NCAM2: variants seen among roughly 807,000 people sequenced by gnomAD.
The protein encoded by NCAM2 is neural cell adhesion molecule 2.
Under a neutral mutation model 98.1 loss-of-function variants are expected in NCAM2, and 30 were observed. The ratio of observed to expected loss-of-function variants is 0.31; its 90% CI spans 0.23 to 0.41. The LOEUF is 0.41. NCAM2 is among the 10% of genes least tolerant of loss of function. The pLI is 1.00. For missense variants in NCAM2, 867 were observed against 1,005.8 expected (o/e 0.86, Z 1.87); for synonymous variants, 368 against 342.4 (o/e 1.07, Z -0.83).
intron 1 of NCAM2, among the ~76,000 whole-genome samples, chr21:21,089,421 C>T (rs908570967): frequency 6.6e-6 from 1 of 152,116 alleles, no homozygotes; most frequent in Non-Finnish European, 1.5e-5. Context: ...CTATTAGTGG[C>T]AATCAAACCC....
At chr21:21,040,991 A>G (rs1413785602) in intron 1 of NCAM2, among the ~76,000 whole-genome samples, 1 of 152,190 alleles carries the variant, frequency 6.6e-6, no homozygotes, top group African/African-American at 2.4e-5. Context: ...CCCTTATTTC[A>G]TCATTACGTG....
At chr21:21,523,043 T>A (rs1989119609) in intron 16 of NCAM2, among the ~76,000 whole-genome samples, 1 of 151,820 alleles carries the variant, frequency 6.6e-6, no homozygotes, top group Non-Finnish European at 1.5e-5. Context: ...TTGTTGTTTG[T>A]TGTTTTGCTA....
chr21:21,144,656 C>T (rs557602338), intron 1 of NCAM2, among the ~76,000 whole-genome samples: 152 of 151,942 alleles, frequency 1.0e-3, no homozygotes, highest in African/African-American at 1.9e-3. Context: ...TCTTTGAATT[C>T]CCCTTGAAAT....
intron 10 of NCAM2, among the ~76,000 whole-genome samples, chr21:21,410,790 C>T (rs1050331450): frequency 3.3e-5 from 5 of 151,004 alleles, no homozygotes; most frequent in Non-Finnish European, 5.9e-5. Flanking sequence ...GGGCAGATCA[C>T]AAGGTCAGGA....
At position 21,281,944 on chromosome 21, in the gene NCAM2, T is replaced by C. The variant is rs1423681470; in HGVS notation, c.130+1292T>C. 2.6e-5 allele frequency among the ~76,000 whole-genome samples: 4 copies of C among 151,890 alleles called. No individual in the cohort carries two copies. In the East Asian group the frequency reaches 7.7e-4, roughly 29 times the overall value. On this transcript the variant is annotated intron_variant, in intron 2 of 17. Transcript: ENST00000400546. ...ATATTCAGAGCATATATGTATAACA[T>C]GTCACATTTTATAGGAATATTAATA...
chr21:21,242,163 A>AT (rs398121498), intron 1 of NCAM2, among the ~76,000 whole-genome samples: 1 of 149,918 alleles, frequency 6.7e-6, no homozygotes, highest in Non-Finnish European at 1.5e-5. Context: ...TAAAAAAGAA[A>AT]CCTCCCTATT....
chr21:21,464,542 A>G (rs1983422798), intron 12 of NCAM2, among the ~76,000 whole-genome samples: 1 of 152,142 alleles, frequency 6.6e-6, no homozygotes, highest in Non-Finnish European at 1.5e-5. Context: ...AACCAAACAA[A>G]ATGCTAAATA....
At chr21:21,104,418 A>T (rs1161242495) in intron 1 of NCAM2, among the ~76,000 whole-genome samples, 1 of 152,182 alleles carries the variant, frequency 6.6e-6, no homozygotes, top group African/African-American at 2.4e-5. Flanking sequence ...TCTCATGGAT[A>T]GAGATGCTAA....
At chr21:21,098,649 A>C (rs1397515887) in intron 1 of NCAM2, among the ~76,000 whole-genome samples, 1 of 151,844 alleles carries the variant, frequency 6.6e-6, no homozygotes, top group Non-Finnish European at 1.5e-5. Context: ...CAGTGAAATT[A>C]GTTTGACTTA....
intron 1 of NCAM2, among the ~76,000 whole-genome samples, chr21:21,161,588 A>G (rs2067786739): frequency 6.6e-6 from 1 of 150,714 alleles, no homozygotes; most frequent in South Asian, 2.1e-4. Flanking sequence ...TGTATGTGAG[A>G]GAGAGAGAGA....
At chr21:21,026,769 G>A (rs1179964264) in intron 1 of NCAM2, among the ~76,000 whole-genome samples, 1 of 151,664 alleles carries the variant, frequency 6.6e-6, no homozygotes, top group East Asian at 1.9e-4. Context: ...ATTTTGTGGA[G>A]AAAATATCTA....
intron 12 of NCAM2, among the ~76,000 whole-genome samples, chr21:21,435,787 T>C (rs1019641893): frequency 6.6e-6 from 1 of 152,232 alleles, no homozygotes; most frequent in African/African-American, 2.4e-5. Flanking sequence ...GATTTATTTA[T>C]TGCTGCATTT....
At chr21:21,497,243 A>G (rs879602333) in intron 15 of NCAM2, among the ~76,000 whole-genome samples, 5 of 152,076 alleles carry the variant, frequency 3.3e-5, no homozygotes, top group Admixed American at 1.3e-4. Flanking sequence ...CTACCAATCA[A>G]TCAAGCTGTG....
At chr21:21,054,169 G>A (rs1170745179) in intron 1 of NCAM2, among the ~76,000 whole-genome samples, 1 of 151,806 alleles carries the variant, frequency 6.6e-6, no homozygotes, top group African/African-American at 2.4e-5. Context: ...AGTCATTGCC[G>A]AAGCTTTTCA....
intron 6 of NCAM2, among the ~76,000 whole-genome samples, chr21:21,327,306 CAAAAAAA>C (rs11384559): frequency 9.7e-5 from 8 of 82,210 alleles, no homozygotes; most frequent in South Asian, 4.8e-4. Context: ...GACTCTGTCT[CAAAAAAA>C]AAAAAAAAAA....
In NCAM2 at chr21:21,507,609, C is replaced by T. The variant is rs150256681; in HGVS notation, c.2078-1242C>T. Among the ~76,000 whole-genome samples the T allele has an allele frequency of 2.8e-3, 425 of 151,834 alleles. 1 individual carries two copies. Among genetic ancestry groups the T allele is most frequent in the Non-Finnish European group, 4.3e-3 (289 of 67,900 alleles). On this transcript the variant is annotated intron_variant, in intron 15 of 17. Transcript: ENST00000400546. ...GAGATCGAGACCATCCTGGCTAACA[C>T]GGTGAAACCCCGTTTCTACTAAAAA...
intron 1 of NCAM2, among the ~76,000 whole-genome samples, chr21:21,038,026 G>T (rs1483193744): frequency 2.6e-5 from 4 of 152,124 alleles, no homozygotes; most frequent in African/African-American, 9.7e-5. Flanking sequence ...ATGACATTAT[G>T]AAAAATGGGA....
At chr21:21,505,649 T>C (rs1388760807) in intron 15 of NCAM2, among the ~76,000 whole-genome samples, 1 of 152,044 alleles carries the variant, frequency 6.6e-6, no homozygotes, top group East Asian at 1.9e-4. Flanking sequence ...TAATAAGAGA[T>C]AGTCTTCCAC....
At chr21:21,249,671 A>AT (rs1555840865) in intron 1 of NCAM2, among the ~76,000 whole-genome samples, 1 of 126,648 alleles carries the variant, frequency 7.9e-6, no homozygotes, top group African/African-American at 3.1e-5. Context: ...CACCCCCACA[A>AT]TTATTTATTT....
Sources: allele counts gnomAD v4.1 joint callset (sites outside exome capture counted in the v4.1 genomes callset), GRCh38; gene constraint gnomAD v4.1.1; transcripts MANE v1.5; gene names NCBI Gene and HGNC (gene_info 2026-07-23, HGNC 2026-07-21).